The following IGSF5 variants were observed in gnomAD, a reference collection of about 807,000 sequenced individuals.
IGSF5 encodes immunoglobulin superfamily member 5.
A neutral mutation model predicts 39.4 loss-of-function variants in IGSF5; 41 were observed. The ratio of observed to expected loss-of-function variants is 1.04; its 90% CI spans 0.81 to 1.35. The LOEUF (loss-of-function observed/expected upper bound fraction) is 1.35. Ranked by LOEUF, IGSF5 falls within the 40% of genes most tolerant of loss-of-function variation. The pLI, the probability that IGSF5 is intolerant of heterozygous loss-of-function variation, is 0.00. For missense variants in IGSF5, 487 were observed against 494.6 expected, an observed-to-expected ratio of 0.98 and a Z score of 0.15; for synonymous variants, 183 against 175.3, an observed-to-expected ratio of 1.04 and a Z score of -0.34.
chr21:39,793,306 C>A (rs192269215), intron 7 of IGSF5, among the ~76,000 whole-genome samples: 1 of 151,902 alleles, frequency 6.6e-6, no homozygotes, highest in Non-Finnish European at 1.5e-5. Flanking sequence ...ACTAATGTGT[C>A]GAGAAAGAAA....
the IGSF5 span, among the ~76,000 whole-genome samples, chr21:39,724,087 TAAAATA>T: frequency 9.3e-6 from 1 of 107,872 alleles, no homozygotes; most frequent in African/African-American, 3.0e-5. Context: ...TAAAATAAAA[TAAAATA>T]AAATAAAATA....
chr21:39,795,362 C>T (rs989161203), intron 8 of IGSF5, among the ~76,000 whole-genome samples: 6 of 152,044 alleles, frequency 3.9e-5, no homozygotes, highest in South Asian at 2.1e-4. Flanking sequence ...GCTCCAAGCA[C>T]GGACAGCCAA....
intron 5 of IGSF5, among the ~76,000 whole-genome samples, chr21:39,782,984 T>C (rs1007163334): frequency 1.5e-4 from 23 of 152,298 alleles, no homozygotes; most frequent in Middle Eastern, 3.4e-3. Flanking sequence ...ACATGTGGTA[T>C]TTATCTTTCT....
At chr21:39,726,749 C>T in the IGSF5 span, among the ~76,000 whole-genome samples, 3 of 152,210 alleles carry the variant, frequency 2.0e-5, no homozygotes, top group Non-Finnish European at 4.4e-5. Context: ...GCCTTTTCTG[C>T]CTGTTCTCCT....
At chr21:39,799,571 T>C (rs1172684602) in intron 8 of IGSF5, among the ~76,000 whole-genome samples, 2 of 152,068 alleles carry the variant, frequency 1.3e-5, no homozygotes, top group African/African-American at 4.8e-5. Context: ...GGGAGGGTGC[T>C]CTCTGATTTC....
chr21:39,723,139 C>T, the IGSF5 span, among the ~76,000 whole-genome samples: 4 of 152,156 alleles, frequency 2.6e-5, no homozygotes, highest in Non-Finnish European at 4.4e-5. Context: ...GGGTTTCTTG[C>T]GAGACTTCAA....
chr21:39,763,716 A>G (rs1057498592), intron 2 of IGSF5, among the ~76,000 whole-genome samples: 3 of 152,046 alleles, frequency 2.0e-5, no homozygotes, highest in African/African-American at 7.2e-5. Flanking sequence ...TGTCCACTTG[A>G]CTGCCATTGA....
At chr21:39,772,396 C>T (rs2080119608) in intron 4 of IGSF5, among the ~76,000 whole-genome samples, 1 of 152,172 alleles carries the variant, frequency 6.6e-6, no homozygotes, top group African/African-American at 2.4e-5. Context: ...ATAAGAGGTC[C>T]CATGGCTGCC....
At chr21:39,780,022 GA>G (rs1246333611) in intron 5 of IGSF5, among the ~76,000 whole-genome samples, 1 of 152,180 alleles carries the variant, frequency 6.6e-6, no homozygotes, top group East Asian at 1.9e-4. Flanking sequence ...TTGTGTACTT[GA>G]AAATTGCTAA....
upstream of IGSF5, among the ~76,000 whole-genome samples, chr21:39,741,456 G>T (rs957325108): frequency 2.6e-5 from 4 of 152,190 alleles, no homozygotes; most frequent in Non-Finnish European, 4.4e-5. Flanking sequence ...AACCTGCTGT[G>T]AGCAGAGCTG....
At chr21:39,738,390 T>C in the IGSF5 span, among the ~76,000 whole-genome samples, 1 of 152,204 alleles carries the variant, frequency 6.6e-6, no homozygotes, top group Non-Finnish European at 1.5e-5. The surrounding 1 kb of genome is among the most constrained non-coding windows in gnomAD (Gnocchi z 6.4). Flanking sequence ...CTCTGGGTCC[T>C]TCCCACAATA....
chr21:39,770,360 T>G (rs1487063912), intron 3 of IGSF5, among the ~76,000 whole-genome samples: 1 of 152,208 alleles, frequency 6.6e-6, no homozygotes, highest in African/African-American at 2.4e-5. Context: ...CGATTTAATT[T>G]GTAATGAGAA....
At chr21:39,774,425 G>A (rs1267548969) in intron 4 of IGSF5, among the ~76,000 whole-genome samples, 1 of 152,238 alleles carries the variant, frequency 6.6e-6, no homozygotes, top group Non-Finnish European at 1.5e-5. Flanking sequence ...AAACAGGAAT[G>A]ACGTCAGCTT....
the IGSF5 span, among the ~76,000 whole-genome samples, chr21:39,715,393 G>C: frequency 1.3e-5 from 2 of 152,170 alleles, no homozygotes; most frequent in Non-Finnish European, 2.9e-5. Context: ...TGATGGGATT[G>C]TGGGTATGAG....
Position 39,748,301 on chromosome 21 carries a change from C to CTTTTTTTTTTTTTTTTTT in IGSF5, c.100+2013_100+2030dup, listed in dbSNP as rs60669244. ...TGTGCAAGTGAAGAGAAAACAAGAT[C>CTTTTTTTTTTTTTTTTTT]TTTTTTTTTTTTTTTTTTTTTTTTT... On this transcript the variant is annotated intron_variant, in intron 2 of 8. Transcript: ENST00000380588. Among the ~76,000 whole-genome samples, 15 of 58,240 alleles carry CTTTTTTTTTTTTTTTTTT rather than the reference C, an allele frequency of 2.6e-4. 5 individuals carry two copies. Among genetic ancestry groups the CTTTTTTTTTTTTTTTTTT allele is most frequent in the Non-Finnish European group, 4.2e-4 (14 of 33,002 alleles). The allele number at this position is 58,240 out of a possible 152,430, so 38.2% of individuals were successfully genotyped here.
the IGSF5 span, among the ~76,000 whole-genome samples, chr21:39,721,673 C>CCCCT: frequency 7.1e-6 from 1 of 140,832 alleles, no homozygotes; most frequent in Admixed American, 7.2e-5. Flanking sequence ...GGCCATCTGT[C>CCCCT]CCTTCCTTCC....
intron 5 of IGSF5, among the ~76,000 whole-genome samples, chr21:39,785,412 C>A (rs1458148720): frequency 6.6e-6 from 1 of 152,084 alleles, no homozygotes; most frequent in African/African-American, 2.4e-5. Context: ...TTCCATTGAC[C>A]TATATCTCTG....
At chr21:39,715,921 C>T in the IGSF5 span, among the ~76,000 whole-genome samples, 38 of 152,200 alleles carry the variant, frequency 2.5e-4, no homozygotes, top group African/African-American at 8.2e-4. Context: ...GGAACCAACC[C>T]GGGGATGTTA....
At chr21:39,718,006 C>T in the IGSF5 span, among the ~76,000 whole-genome samples, 1 of 151,998 alleles carries the variant, frequency 6.6e-6, no homozygotes, top group African/African-American at 2.4e-5. Flanking sequence ...TGTGTCTGTT[C>T]TGATTTCTTT....
Sources: gnomAD v4.1 joint callset for allele counts (sites outside exome capture counted in the v4.1 genomes callset) on GRCh38, gnomAD v4.1.1 for gene constraint, Gnocchi (gnomAD v3.1) non-coding constraint, MANE v1.5 for transcripts, NCBI Gene and HGNC (gene_info 2026-07-23, HGNC 2026-07-21) for gene names.